The following PLXNA2 variants were observed in gnomAD, a reference collection of about 807,000 sequenced individuals.
PLXNA2 encodes the protein plexin-A2.
In PLXNA2, 91 loss-of-function variants were observed where a neutral mutation model predicts 193.5. That is an observed-to-expected ratio of 0.47 (90% CI 0.40 to 0.56). PLXNA2 has a LOEUF of 0.56. Among genes scored for constraint, PLXNA2 ranks in the 20% least tolerant of loss-of-function variants. The probability of loss-of-function intolerance (pLI) is 0.00; values close to 1 mark genes in which losing one functional copy is unlikely to be tolerated. For synonymous variants in PLXNA2, 997 were observed against 1,027.3 expected, an observed-to-expected ratio of 0.97 and a Z score of 0.56; for missense variants, 1,995 against 2,503.2, an observed-to-expected ratio of 0.80 and a Z score of 4.33.
intron 3 of PLXNA2, among the ~76,000 whole-genome samples, chr1:208,174,443 G>A (rs146730777): frequency 1.3e-5 from 2 of 152,150 alleles, no homozygotes; most frequent in South Asian, 2.1e-4. Context: ...GCTGTGGAGG[G>A]AGGGAAGAAG....
chr1:208,240,887 G>C (rs970815596), intron 1 of PLXNA2, among the ~76,000 whole-genome samples: 1 of 152,114 alleles, frequency 6.6e-6, no homozygotes, highest in Admixed American at 6.5e-5. Context: ...GAGACAGCTG[G>C]TGGTGGTGGG....
intron 4 of PLXNA2, among the ~76,000 whole-genome samples, chr1:208,135,384 C>G (rs556864165): frequency 2.0e-5 from 3 of 152,194 alleles, no homozygotes; most frequent in Non-Finnish European, 4.4e-5. Flanking sequence ...GAGGCCTGCT[C>G]CTGTGCAAGA....
intron 3 of PLXNA2, among the ~76,000 whole-genome samples, chr1:208,208,828 C>T (rs138145535): frequency 6.6e-6 from 1 of 152,336 alleles, no homozygotes; most frequent in Non-Finnish European, 1.5e-5. Flanking sequence ...TGGATTTCAA[C>T]TCCCACTAGG....
At position 208,153,400 on chromosome 1, in the gene PLXNA2, G is replaced by A. The variant is rs375161917; in HGVS notation, c.1372-10937C>T. Among the ~76,000 whole-genome samples, 7 of 152,216 alleles carry A rather than the reference G, an allele frequency of 4.6e-5. No homozygotes were observed. The East Asian group carries it at 1.2e-3, about 25-fold the overall frequency. The stretch of plus-strand genomic sequence containing the variant: ...ACTCTCTTGGGTCTTCATTTCTCTA[G>A]GCCTCTGTTTTTCCATCACTAGAGA... On this transcript the variant is annotated intron_variant, in intron 3 of 31. Coordinates refer to ENST00000367033, the MANE Select transcript of PLXNA2 (RefSeq NM_025179.4).
chr1:208,205,665 C>T lies in PLXNA2; in HGVS notation c.1371+4615G>A, dbSNP rs150654057. ...AGATCTGAGATTTGATGCAGGAATC[C>T]CCTTGACAGCACCCTGGTTGGTGAC... On this transcript the variant is annotated intron_variant, in intron 3 of 31. Transcript: ENST00000367033. 4.5e-4 allele frequency among the ~76,000 whole-genome samples: 69 copies of T among 152,294 alleles called. No individual in the cohort carries two copies. The Middle Eastern group carries it at 0.014, about 30-fold the overall frequency.
At chr1:208,097,164 A>G (rs983950854) in intron 6 of PLXNA2, among the ~76,000 whole-genome samples, 2 of 152,230 alleles carry the variant, frequency 1.3e-5, no homozygotes, top group Non-Finnish European at 2.9e-5. Flanking sequence ...CTAGAGGGAA[A>G]GGTACCAAAA....
In PLXNA2 at chr1:208,022,657, A is replaced by G. The variant is rs1423522515; in HGVS notation, c.*4586T>C. On this transcript the variant is annotated 3_prime_UTR_variant, in exon 32 of 32. Transcript: ENST00000367033. ...TGTTCTGTTTGGGGGGAGTATTTCCATTCTGCCTGCCACCTTCCATGCCAA... is the reference window on the plus strand; with the variant it reads ...TGTTCTGTTTGGGGGGAGTATTTCCGTTCTGCCTGCCACCTTCCATGCCAA... 3 of 152,722 alleles carry G rather than the reference A, an allele frequency of 2.0e-5. No homozygotes were observed. Among genetic ancestry groups the G allele is most frequent in the Admixed American group, 1.3e-4 (2 of 15,300 alleles). 9.5% of individuals were successfully genotyped at this position (152,722 alleles called of 1,614,324 possible). A position where few individuals can be genotyped will look rare whatever the true frequency, so the allele number is the denominator to read the frequency against.
chr1:208,243,513 C>T (rs1672130888), intron 1 of PLXNA2, 130 bp downstream of exon 1: 1 of 152,052 alleles, frequency 6.6e-6, no homozygotes, highest in Non-Finnish European at 1.5e-5. Flanking sequence ...CCGCCGCGGC[C>T]AAGCCGGGTC....
chr1:208,132,503 G>A (rs566070524), intron 4 of PLXNA2, among the ~76,000 whole-genome samples: 1 of 152,238 alleles, frequency 6.6e-6, no homozygotes, highest in African/African-American at 2.4e-5. Flanking sequence ...TTTGTTATCT[G>A]TTAAAAAAAG....
At chr1:208,207,901 A>G (rs964557640) in intron 3 of PLXNA2, among the ~76,000 whole-genome samples, 1 of 152,220 alleles carries the variant, frequency 6.6e-6, no homozygotes, top group Non-Finnish European at 1.5e-5. Context: ...GGCCAAGCAA[A>G]GAGTGAGAAG....
At chr1:208,232,836 T>G (rs903440369) in intron 1 of PLXNA2, among the ~76,000 whole-genome samples, 9 of 152,310 alleles carry the variant, frequency 5.9e-5, no homozygotes, top group African/African-American at 2.2e-4. Context: ...CCAACTTTAC[T>G]TACTTTGGAA....
At chr1:208,177,127 T>G (rs1384838555) in intron 3 of PLXNA2, among the ~76,000 whole-genome samples, 1 of 152,234 alleles carries the variant, frequency 6.6e-6, no homozygotes, top group East Asian at 1.9e-4. Context: ...TACATATTTC[T>G]GTCTTGGTAC....
At chr1:208,065,866 T>A (rs919377264) in intron 12 of PLXNA2, among the ~76,000 whole-genome samples, 3 of 152,208 alleles carry the variant, frequency 2.0e-5, no homozygotes, top group African/African-American at 7.2e-5. Flanking sequence ...CTGTACAAGA[T>A]GTTCTTTATT....
At position 208,159,702 on chromosome 1, in the gene PLXNA2, C is replaced by T. The variant is rs533270346; in HGVS notation, c.1372-17239G>A. On this transcript the variant is annotated intron_variant, in intron 3 of 31. Transcript: ENST00000367033. ...ACTGGAGCTGGCATTCTCAGGCCCT[C>T]TAAATAACCTCAGGAGGGCCGGATC... Among the ~76,000 whole-genome samples the T allele has an allele frequency of 1.2e-4, 19 of 152,358 alleles. No individual in the cohort carries two copies. In the South Asian group the frequency reaches 3.9e-3, roughly 32 times the overall value.
At chr1:208,110,288 A>C (rs924052471) in intron 4 of PLXNA2, among the ~76,000 whole-genome samples, 2 of 152,252 alleles carry the variant, frequency 1.3e-5, no homozygotes, top group Non-Finnish European at 2.9e-5. Context: ...CTTCAGCAGG[A>C]AAGAGCTGAT....
At chr1:208,186,789 G>C (rs1206053204) in intron 3 of PLXNA2, among the ~76,000 whole-genome samples, 3 of 149,734 alleles carry the variant, frequency 2.0e-5, no homozygotes, top group Non-Finnish European at 4.4e-5. Context: ...GCGCAATCTC[G>C]GCTCACTGCA....
chr1:208,042,739 C>A (rs1664914544), intron 21 of PLXNA2, among the ~76,000 whole-genome samples: 1 of 152,204 alleles, frequency 6.6e-6, no homozygotes, highest in Non-Finnish European at 1.5e-5. Flanking sequence ...AACAAATGAA[C>A]AAACAAACCT....
At chr1:208,184,422 TA>T (rs112546582) in intron 3 of PLXNA2, among the ~76,000 whole-genome samples, 166 of 140,362 alleles carry the variant, frequency 1.2e-3, no homozygotes, top group African/African-American at 2.5e-3. Flanking sequence ...ACCCCCTGCT[TA>T]AAAAAAAAAA....
At chr1:208,103,121 C>A (rs1442271483) in intron 5 of PLXNA2, 26 bp downstream of exon 5, 9 of 1,557,402 alleles carry the variant, frequency 5.8e-6, no homozygotes, top group Non-Finnish European at 8.0e-6. Flanking sequence ...CATGCCAAAC[C>A]CTTTTCCAGT....
Sources: gnomAD v4.1 joint callset for allele counts (sites outside exome capture counted in the v4.1 genomes callset) on GRCh38, gnomAD v4.1.1 for gene constraint, MANE v1.5 for transcripts, NCBI Gene and HGNC (gene_info 2026-07-23, HGNC 2026-07-21) for gene names.